ZNF790: variants seen among roughly 807,000 people sequenced by gnomAD.
The protein encoded by ZNF790 is zinc finger protein 790.
Under a neutral mutation model 12.1 loss-of-function variants are expected in ZNF790, and 8 were observed. The ratio of observed to expected loss-of-function variants is 0.66; its 90% confidence interval spans 0.39 to 1.19. ZNF790 has a LOEUF of 1.19. Ranked by LOEUF, ZNF790 falls within the 50% of genes most tolerant of loss-of-function variation. ZNF790 has a pLI of 0.01. For synonymous variants in ZNF790, 252 were observed against 244.3 expected (o/e 1.03, Z -0.29); for missense variants, 707 against 752.2 (o/e 0.94, Z 0.70).
chr19:36,818,510 T>C lies in ZNF790; in HGVS notation c.1834A>G (p.Thr612Ala). Residue 612 changes from threonine (T) to alanine (A), a missense_variant, in exon 5 of 5, where the codon ACT becomes GCT. Physicochemically the swap from Thr to Ala is moderately conservative, Grantham distance 58. Transcript: ENST00000356725. ...SNFAQHQNIYTFEKSYEFKDF... is the reference protein window; with the variant it reads ...SNFAQHQNIYAFEKSYEFKDF... ...TTAAATTCATAGGATTTCTCAAAAG[T>C]GTAAATATTCTGGTGTTGAGCAAAG... 1 of 1,594,918 alleles carries C rather than the reference T, an allele frequency of 6.3e-7. No individual in the cohort carries two copies. Among genetic ancestry groups the C allele is most frequent in the African/African-American group, 1.3e-5 (1 of 74,494 alleles).
At chr19:36,850,232 C>A (rs2072232874) in exon 1 of ZNF790, 1 of 152,288 alleles carries the variant, frequency 6.6e-6, no homozygotes, top group Admixed American at 6.5e-5. Flanking sequence ...ACCCAGAGAA[C>A]GCAGCACACT....
chr19:36,832,132 T>G (rs1299971706), intron 1 of ZNF790, among the ~76,000 whole-genome samples: 1 of 152,188 alleles, frequency 6.6e-6, no homozygotes, highest in African/African-American at 2.4e-5. Flanking sequence ...GAAATACTGT[T>G]GACATGCGCT....
chr19:36,846,064 C>T (rs895878763), intron 1 of ZNF790, among the ~76,000 whole-genome samples: 1 of 152,084 alleles, frequency 6.6e-6, no homozygotes, highest in African/African-American at 2.4e-5. Context: ...CCATCTTGGC[C>T]TCCCAAAGTG....
At chr19:36,828,463 CAAAAA>C (rs957484149) in intron 1 of ZNF790, among the ~76,000 whole-genome samples, 3 of 116,774 alleles carry the variant, frequency 2.6e-5, no homozygotes, top group African/African-American at 6.4e-5. Context: ...AACCCCTTCT[CAAAAA>C]AAAAAAAAAG....
At position 36,838,104 on chromosome 19, in the gene ZNF790, GCGCA is replaced by G. The variant is rs1284433382; in HGVS notation, c.-74+229_-74+232del. ...GCCTGTCAACGTCGTGTGCGCGTGC[GCGCA>G]CACACACACACACACACACATACAC... On this transcript the variant is annotated intron_variant, in intron 1 of 4. Coordinates refer to ENST00000356725, the MANE Select transcript of ZNF790 (RefSeq NM_206894.4). The surrounding 1 kb of genome is among the most constrained non-coding windows in gnomAD (Gnocchi z 4.4). The G allele has an allele frequency of 2.3e-3, 93 of 39,580 alleles. No individual in the cohort carries two copies. The highest frequency in any genetic ancestry group is 4.0e-3 in the South Asian group (6 of 1,482). The allele number at this position is 39,580 out of a possible 1,614,324, so 2.5% of individuals were successfully genotyped here.
chr19:36,830,297 G>T (rs951277273), intron 1 of ZNF790, among the ~76,000 whole-genome samples: 4 of 152,156 alleles, frequency 2.6e-5, no homozygotes, highest in African/African-American at 9.7e-5. Flanking sequence ...TGAGATGATT[G>T]TGTGATTTTT....
At chr19:36,844,023 T>A (rs79967651) in intron 1 of ZNF790, among the ~76,000 whole-genome samples, 5,993 of 106,374 alleles carry the variant, frequency 0.056, 394 homozygotes, top group African/African-American at 0.2. Flanking sequence ...AAAAAAAAAA[T>A]TAAAAAAAAA....
intron 1 of ZNF790, among the ~76,000 whole-genome samples, chr19:36,846,572 A>C (rs986524868): frequency 1.2e-4 from 18 of 152,230 alleles, no homozygotes; most frequent in African/African-American, 4.3e-4. Flanking sequence ...TCAAAAAAAA[A>C]AAGAGCTCAA....
chr19:36,823,542 GA>G (rs2071723615), intron 3 of ZNF790, 124 bp downstream of exon 3: 2 of 1,361,408 alleles, frequency 1.5e-6, no homozygotes, highest in East Asian at 4.6e-5. Flanking sequence ...ACTATTGCCA[GA>G]TTTACAAAGC....
rs368688465 is a variant in ZNF790, at chr19:36,844,069, C to T, written c.-74+5933G>A. ...GGCAGGGTGACTGATTCCTGTAATC[C>T]CAGCACTTTGGGAATGCCTGGGTGG... On this transcript the variant is annotated intron_variant, in intron 1 of 4. Transcript: ENST00000528994. Among the ~76,000 whole-genome samples, 17 of 150,888 alleles carry T rather than the reference C, an allele frequency of 1.1e-4. No homozygotes were observed. In the East Asian group the frequency reaches 3.3e-3, roughly 29 times the overall value.
chr19:36,841,920 C>T (rs952820882), upstream of ZNF790, among the ~76,000 whole-genome samples: 12 of 151,722 alleles, frequency 7.9e-5, no homozygotes, highest in Non-Finnish European at 1.6e-4. Flanking sequence ...CACTATGTTG[C>T]CCTGGCTGGT....
chr19:36,819,579 T>C lies in ZNF790; in HGVS notation c.765A>G (p.Lys255=). The change falls in exon 5 of 5, where the codon AAA becomes AAG. Residue 255 remains lysine, a synonymous_variant. Coordinates refer to ENST00000356725, the MANE Select transcript of ZNF790 (RefSeq NM_206894.4). The part of the protein sequence containing the change: ...KRIHTGEKPF[K]CKDCGKAFRF... ...TAAAGGCTTTCCCACAATCCTTACATTTAAAAGGTTTCTCACCGGTATGAA... is the reference window on the plus strand; with the variant it reads ...TAAAGGCTTTCCCACAATCCTTACACTTAAAAGGTTTCTCACCGGTATGAA... 6.2e-7 allele frequency: 1 copy of C among 1,610,802 alleles called. No homozygotes were observed. The highest frequency in any genetic ancestry group is 8.5e-7 in the Non-Finnish European group (1 of 1,178,230).
chr19:36,841,288 G>A (rs912600940), upstream of ZNF790, among the ~76,000 whole-genome samples: 2 of 152,090 alleles, frequency 1.3e-5, no homozygotes, highest in African/African-American at 4.8e-5. Context: ...AAGTAATCAA[G>A]ACAGTGTGTT....
intron 1 of ZNF790, chr19:36,837,923 CTA>C (rs2072078703): frequency 6.6e-6 from 1 of 152,302 alleles, no homozygotes; most frequent in Non-Finnish European, 1.5e-5. Context: ...TCACGAAGGA[CTA>C]TGCCTGTCAC....
intron 1 of ZNF790, among the ~76,000 whole-genome samples, chr19:36,827,147 T>TAC (rs1568338103): frequency 7.3e-5 from 4 of 55,124 alleles, no homozygotes; most frequent in African/African-American, 2.9e-4. Context: ...CACACATATA[T>TAC]ATATATATAT....
At chr19:36,846,786 T>C (rs2072184727) in intron 1 of ZNF790, among the ~76,000 whole-genome samples, 1 of 152,212 alleles carries the variant, frequency 6.6e-6, no homozygotes, top group South Asian at 2.1e-4. Context: ...ATATTAACTA[T>C]ATTTTCTTAT....
intron 1 of ZNF790, among the ~76,000 whole-genome samples, chr19:36,834,187 G>A (rs560694863): frequency 6.9e-6 from 1 of 145,532 alleles, no homozygotes; most frequent in African/African-American, 2.6e-5. Context: ...AGCTTGCGGT[G>A]AGCCGAGATC....
chr19:36,818,597 G>T lies in ZNF790; in HGVS notation c.1747C>A (p.His583Asn), dbSNP rs139531302. 4 of 1,611,062 alleles carry T rather than the reference G, an allele frequency of 2.5e-6. No homozygotes were observed. The Admixed American group carries it at 6.7e-5, about 27-fold the overall frequency. Reference sequence around the variant, plus strand: ...CATTCACAGAGATTTGCACTATTATGAATTTTTTGTTCAGTAAAATATGAA... The same window carrying T: ...CATTCACAGAGATTTGCACTATTATTAATTTTTTGTTCAGTAAAATATGAA... The part of the protein sequence containing the change: ...HHSYFTEQKI[H>N]NSANLCEWTD... The change falls in exon 5 of 5, where the codon CAT becomes AAT. Residue 583 changes from histidine to asparagine, a missense_variant. Transcript: ENST00000356725.
At chr19:36,829,810 G>A (rs547872882) in intron 1 of ZNF790, among the ~76,000 whole-genome samples, 168 of 152,066 alleles carry the variant, frequency 1.1e-3, no homozygotes, top group Admixed American at 1.2e-3. Flanking sequence ...CAGGTGATCC[G>A]CCCGCCTCGG....
Sources: gnomAD v4.1 joint callset for allele counts (sites outside exome capture counted in the v4.1 genomes callset) on GRCh38, gnomAD v4.1.1 for gene constraint, Gnocchi (gnomAD v3.1) non-coding constraint, MANE v1.5 for transcripts, NCBI Gene and HGNC (gene_info 2026-07-23, HGNC 2026-07-21) for gene names.